FAM149A: variants seen among roughly 807,000 people sequenced by gnomAD.
FAM149A encodes the protein protein FAM149A.
In FAM149A, 71 loss-of-function variants were observed where a neutral mutation model predicts 78.2. That is an observed-to-expected ratio of 0.91 (90% CI 0.75 to 1.11). The LOEUF is 1.11. Among genes scored for constraint, FAM149A ranks in the 50% least tolerant of loss-of-function variants. The pLI is 0.00. For missense variants in FAM149A, 1,036 were observed against 971.0 expected (o/e 1.07, Z -0.89); for synonymous variants, 446 against 410.5 (o/e 1.09, Z -1.04).
At chr4:186,125,433 G>A (rs2099317893) in intron 1 of FAM149A, 2 of 729,582 alleles carry the variant, frequency 2.7e-6, no homozygotes, top group South Asian at 6.1e-5. Flanking sequence ...CAGTAATGAC[G>A]CTGCCTCTCG....
rs911728476 is a variant in FAM149A at position 186,149,670 on chromosome 4, C to T, written c.755C>T (p.Thr252Met). ...CAGAGCTCTACCACCGGCTCATCCA[C>T]GGAGAGGGGCTCCGTTTATTCCTGG... is the stretch of plus-strand genomic sequence containing the variant. Residue 252 changes from threonine to methionine, a missense_variant, in exon 3 of 14, where the codon ACG (threonine) becomes ATG (methionine). Transcript: ENST00000389354. The T allele has an allele frequency of 7.0e-6, 9 of 1,289,218 alleles. No homozygotes were observed. The highest frequency in any genetic ancestry group is 4.6e-5 in the Admixed American group (2 of 43,326). 79.9% of individuals were successfully genotyped at this position (1,289,218 alleles called of 1,614,324 possible). A position where few individuals can be genotyped will look rare whatever the true frequency, so the allele number is the denominator to read the frequency against.
chr4:186,150,020 A>G (rs1354283279), intron 3 of FAM149A, among the ~76,000 whole-genome samples: 4 of 152,278 alleles, frequency 2.6e-5, no homozygotes, highest in East Asian at 3.9e-4. Flanking sequence ...GAAATTCAGG[A>G]CTTGAATAAG....
chr4:186,157,563 A>G lies in FAM149A; in HGVS notation c.1421-2A>G. On this transcript the variant is annotated splice_acceptor_variant, in intron 7 of 13. Transcript: ENST00000389354. LOFTEE classifies it high-confidence loss of function. ...GTAATATTGATTCTTCTGTTGACAC[A>G]GAAGGGAAAAAACAGAGAGAAACAT... The G allele has an allele frequency of 6.2e-7, 1 of 1,613,732 alleles. No individual in the cohort carries two copies. Among genetic ancestry groups the G allele is most frequent in the Non-Finnish European group, 8.5e-7 (1 of 1,179,578 alleles).
At chr4:186,165,219 G>A (rs1734935264) in intron 10 of FAM149A, 125 bp from the exon 11 acceptor site, 1 of 1,012,896 alleles carries the variant, frequency 9.9e-7, no homozygotes, top group Non-Finnish European at 1.5e-6. Context: ...ACACATAGCA[G>A]AAATCAAAGA....
chr4:186,151,470 G>C (rs867476428), intron 3 of FAM149A, among the ~76,000 whole-genome samples: 27 of 151,910 alleles, frequency 1.8e-4, no homozygotes, highest in African/African-American at 6.3e-4. Flanking sequence ...CTTTTCTGTG[G>C]TATCACCAGA....
chr4:186,156,824 A>T (rs961510207), intron 7 of FAM149A, among the ~76,000 whole-genome samples: 2 of 152,016 alleles, frequency 1.3e-5, no homozygotes, highest in African/African-American at 4.8e-5. Flanking sequence ...ACAAATAAAA[A>T]GTTAGCCAGG....
In FAM149A at chr4:186,165,267, C is replaced by T. The variant is rs1035338465; in HGVS notation, c.1890-77C>T. ...CCCTCACGCAGAAACATTGAAATCA[C>T]AGCTCTTGGCAGATTTCCTGTCACT... On this transcript the variant is annotated intron_variant, in intron 10 of 13. Coordinates refer to ENST00000389354, the MANE Select transcript of FAM149A (RefSeq NM_001367768.3). The T allele has an allele frequency of 1.6e-5, 25 of 1,531,090 alleles. No homozygotes were observed. The South Asian group carries it at 2.5e-4, about 15-fold the overall frequency. The allele number at this position is 1,531,090 out of a possible 1,614,324, so 94.8% of individuals were successfully genotyped here. A position where few individuals can be genotyped will look rare whatever the true frequency, so the allele number is the denominator to read the frequency against.
At chr4:186,117,616 G>T (rs568011266) in intron 1 of FAM149A, 1 of 984,902 alleles carries the variant, frequency 1.0e-6, no homozygotes, top group Non-Finnish European at 1.2e-6. Flanking sequence ...GCCACATGGC[G>T]TGAGGCTTTC....
intron 13 of FAM149A, chr4:186,169,772 G>A: frequency 1.0e-6 from 1 of 985,420 alleles, no homozygotes; most frequent in Non-Finnish European, 1.2e-6. Flanking sequence ...ATTAACACGT[G>A]CAATCACATA....
At chr4:186,170,795 TGAACAGAG>T (rs1274298742) in intron 13 of FAM149A, 1 of 152,238 alleles carries the variant, frequency 6.6e-6, no homozygotes, top group Non-Finnish European at 1.5e-5. Context: ...TTTTAAACAC[TGAACAGAG>T]GGACAGAGGG....
chr4:186,160,068 A>C, intron 8 of FAM149A, among the ~76,000 whole-genome samples: 1 of 143,834 alleles, frequency 7.0e-6, no homozygotes, highest in Non-Finnish European at 1.5e-5. Flanking sequence ...CACCACGCAC[A>C]CACCACACAC....
rs112726169 is a variant in FAM149A at position 186,142,767 on chromosome 4, CT to C, written c.567-6405del. On this transcript the variant is annotated intron_variant, in intron 1 of 13. Transcript: ENST00000389354. ...CACATGAGTGAAGCCTTCTTAGAGC[CT>C]CCACACCAGACCACCCTCCACCTGT... Among the ~76,000 whole-genome samples, 192 of 152,296 alleles carry C rather than the reference CT, an allele frequency of 1.3e-3. 2 individuals are homozygous for C. The highest frequency in any genetic ancestry group is 4.4e-3 in the African/African-American group (182 of 41,558).
At chr4:186,106,183 C>T (rs2099308693) in intron 1 of FAM149A, among the ~76,000 whole-genome samples, 1 of 152,014 alleles carries the variant, frequency 6.6e-6, no homozygotes, top group South Asian at 2.1e-4. Flanking sequence ...GTTGTAATGG[C>T]CAGGACACGT....
In FAM149A at chr4:186,157,720, G is replaced by T. The variant is rs745920059; in HGVS notation, c.1575+1G>T. The T allele has an allele frequency of 6.2e-7, 1 of 1,604,620 alleles. No individual in the cohort carries two copies. The highest frequency in any genetic ancestry group is 8.5e-7 in the Non-Finnish European group (1 of 1,174,988). ...GGCTTCTCGTCTGAACCCGCCCCAG[G>T]TCGGTGCTTTCACACCCTTCTCCCT... On this transcript the variant is annotated splice_donor_variant, in intron 8 of 13. Transcript: ENST00000389354. LOFTEE classifies it high-confidence loss of function.
chr4:186,150,579 C>A (rs1431926351), intron 3 of FAM149A, among the ~76,000 whole-genome samples: 1 of 44,244 alleles, frequency 2.3e-5, no homozygotes, highest in Non-Finnish European at 6.5e-5. Flanking sequence ...ACCACCACGC[C>A]CGGCTAATTT....
intron 8 of FAM149A, chr4:186,158,292 C>G: frequency 2.5e-6 from 3 of 1,220,996 alleles, no homozygotes; most frequent in Non-Finnish European, 3.1e-6. Context: ...CTCAGAGAGG[C>G]GTCTTGGCTA....
chr4:186,150,707 C>T (rs1733495774), intron 3 of FAM149A, among the ~76,000 whole-genome samples: 1 of 128,328 alleles, frequency 7.8e-6, no homozygotes, highest in Non-Finnish European at 1.6e-5. Context: ...GCGTGAGCCA[C>T]CGCGTCCGGC....
intron 4 of FAM149A, among the ~76,000 whole-genome samples, chr4:186,152,426 A>G (rs2126472822): frequency 6.6e-6 from 1 of 150,832 alleles, no homozygotes; most frequent in South Asian, 2.1e-4. Flanking sequence ...GGCTGGATAG[A>G]TGGGTCTTCC....
At chr4:186,127,944 T>A (rs1312487624) in intron 1 of FAM149A, among the ~76,000 whole-genome samples, 1 of 146,572 alleles carries the variant, frequency 6.8e-6, no homozygotes, top group Non-Finnish European at 1.5e-5. Context: ...CCACTCACCT[T>A]CCCAAAGTGT....
Sources: allele counts gnomAD v4.1 joint callset (sites outside exome capture counted in the v4.1 genomes callset), GRCh38; gene constraint gnomAD v4.1.1; transcripts MANE v1.5; gene names NCBI Gene and HGNC (gene_info 2026-07-23, HGNC 2026-07-21).